TRPS1: variants seen among roughly 807,000 people sequenced by gnomAD.
The protein encoded by TRPS1 is zinc finger transcription factor Trps1.
In TRPS1, 6 loss-of-function variants were observed where a neutral mutation model predicts 101.2. That is an observed-to-expected ratio of 0.06 (90% CI 0.03 to 0.12). The LOEUF is 0.12. Among genes scored for constraint, TRPS1 ranks in the 10% least tolerant of loss-of-function variants. The pLI is 1.00. For synonymous variants in TRPS1, 578 were observed against 589.8 expected, an observed-to-expected ratio of 0.98 and a Z score of 0.29; for missense variants, 1,363 against 1,567.0, an observed-to-expected ratio of 0.87 and a Z score of 2.20.
intron 5 of TRPS1, among the ~76,000 whole-genome samples, chr8:115,578,560 G>C (rs1333341901): frequency 1.3e-5 from 2 of 152,006 alleles, no homozygotes; most frequent in East Asian, 3.9e-4. Context: ...GGTATAATGA[G>C]GCACAAAAAT....
intron 5 of TRPS1, among the ~76,000 whole-genome samples, chr8:115,420,747 A>G (rs1455734432): frequency 6.6e-6 from 1 of 152,226 alleles, no homozygotes; most frequent in Non-Finnish European, 1.5e-5. Context: ...AGGAGCACTT[A>G]GACTCCAATA....
intron 5 of TRPS1, among the ~76,000 whole-genome samples, chr8:115,486,441 T>C (rs181136212): frequency 2.0e-5 from 3 of 152,326 alleles, no homozygotes; most frequent in African/African-American, 7.2e-5. Context: ...AAGGAAGAGC[T>C]GTCTCACTTT....
chr8:115,640,635 C>T (rs1176731535), intron 1 of TRPS1, among the ~76,000 whole-genome samples: 1 of 152,190 alleles, frequency 6.6e-6, no homozygotes, highest in African/African-American at 2.4e-5. Context: ...TGGTAACTAA[C>T]ACACCTACAG....
intron 5 of TRPS1, among the ~76,000 whole-genome samples, chr8:115,445,922 T>C (rs758117844): frequency 2.0e-5 from 3 of 152,212 alleles, no homozygotes; most frequent in Non-Finnish European, 2.9e-5. Flanking sequence ...TATAGAAGTA[T>C]ACTTAAATAT....
chr8:115,544,111 T>C (rs1022459789), intron 5 of TRPS1, among the ~76,000 whole-genome samples: 9 of 150,202 alleles, frequency 6.0e-5, no homozygotes, highest in African/African-American at 2.2e-4. Flanking sequence ...ACCTGTGAAG[T>C]GGCATTTTTG....
rs1413205173 is a variant in TRPS1, at chr8:115,612,022, G to T, written c.967-7020C>A. On this transcript the variant is annotated intron_variant, in intron 3 of 6. Coordinates refer to ENST00000395715, the MANE Select transcript of TRPS1 (RefSeq NM_014112.5). The stretch of plus-strand genomic sequence containing the variant: ...ATGTAGGACAACTGATCAATAAACA[G>T]AATTTTTAAAAATTAAAGGAAAGAA... Among the ~76,000 whole-genome samples the T allele has an allele frequency of 2.0e-5, 3 of 148,304 alleles. No individual in the cohort carries two copies. The East Asian group carries it at 6.1e-4, about 30-fold the overall frequency.
chr8:115,534,058 A>T (rs1329164734), intron 5 of TRPS1, among the ~76,000 whole-genome samples: 1 of 151,912 alleles, frequency 6.6e-6, no homozygotes, highest in Non-Finnish European at 1.5e-5. Flanking sequence ...ACCACTGGGG[A>T]TTGAAGATCT....
chr8:115,587,076 C>A lies in TRPS1; in HGVS notation c.2625G>T (p.Lys875Asn), dbSNP rs773091182. The A allele has an allele frequency of 6.2e-7, 1 of 1,614,152 alleles. No homozygotes were observed. The change falls in exon 5 of 7, where the codon AAG becomes AAT. Residue 875 changes from lysine to asparagine, a missense_variant. Coordinates refer to ENST00000395715, the MANE Select transcript of TRPS1 (RefSeq NM_014112.5). The stretch of plus-strand genomic sequence containing the variant: ...GATACTGCTGGGGGAGGGCCCCAGA[C>A]TTCTCTCCGCCAGCTGGCGCCCCCT... ...FLQGAPAGGE[K>N]SGALPQQYPA...
At chr8:115,540,130 G>C (rs1274451269) in intron 5 of TRPS1, among the ~76,000 whole-genome samples, 1 of 152,010 alleles carries the variant, frequency 6.6e-6, no homozygotes, top group Non-Finnish European at 1.5e-5. Flanking sequence ...TTTCTCTTGA[G>C]TTATAAATTC....
At chr8:115,531,706 G>C (rs192899904) in intron 5 of TRPS1, among the ~76,000 whole-genome samples, 2 of 152,096 alleles carry the variant, frequency 1.3e-5, no homozygotes, top group Non-Finnish European at 2.9e-5. Context: ...CAAAGAGTAA[G>C]AGTTTAGAAT....
chr8:115,501,267 A>T (rs1242184599), intron 5 of TRPS1, among the ~76,000 whole-genome samples: 1 of 152,216 alleles, frequency 6.6e-6, no homozygotes, highest in African/African-American at 2.4e-5. Flanking sequence ...GAGCAGGCCC[A>T]GTGAACATGT....
chr8:115,408,817 T>C lies in TRPS1; in HGVS notation c.*5206A>G, dbSNP rs1010075659. On this transcript the variant is annotated 3_prime_UTR_variant, in exon 7 of 7. Coordinates refer to ENST00000395715, the MANE Select transcript of TRPS1 (RefSeq NM_014112.5). ...AATTTTACATTGGCATTTTGAGATG[T>C]TCCCCCCTCATGCCTCCCCCAAAGT... 1 of 152,262 alleles carries C rather than the reference T, an allele frequency of 6.6e-6. No individual in the cohort carries two copies. The highest frequency in any genetic ancestry group is 1.9e-4 in the East Asian group (1 of 5,144). 9.4% of individuals were successfully genotyped at this position (152,262 alleles called of 1,614,324 possible).
chr8:115,514,165 A>T (rs554236861), intron 5 of TRPS1, among the ~76,000 whole-genome samples: 62 of 151,774 alleles, frequency 4.1e-4, no homozygotes, highest in African/African-American at 1.4e-3. Context: ...TCTCTAAGAT[A>T]CTCTCTTGTT....
Position 115,648,030 on chromosome 8 carries a change from G to A in TRPS1, c.-122+20515C>T, listed in dbSNP as rs527291132. On this transcript the variant is annotated intron_variant, in intron 1 of 6. Transcript: ENST00000395715. ...ATGATCACAGGTGAATAAGATTTAA[G>A]GATGAGTAGCTGCTGATGAACCCAA... Among the ~76,000 whole-genome samples, 9 of 152,176 alleles carry A rather than the reference G, an allele frequency of 5.9e-5. No individual in the cohort carries two copies. The South Asian group carries it at 1.9e-3, about 32-fold the overall frequency.
At chr8:115,495,188 C>A (rs956716975) in intron 5 of TRPS1, among the ~76,000 whole-genome samples, 1 of 152,076 alleles carries the variant, frequency 6.6e-6, no homozygotes, top group African/African-American at 2.4e-5. Context: ...AGCGGTAGAA[C>A]AAAATCTTTA....
intron 5 of TRPS1, among the ~76,000 whole-genome samples, chr8:115,544,960 A>G (rs1816537276): frequency 6.6e-6 from 1 of 152,196 alleles, no homozygotes. Context: ...AATAAATACA[A>G]TCATTTAAAA....
chr8:115,453,718 A>G lies in TRPS1; in HGVS notation c.2701-35266T>C, dbSNP rs911770067. Among the ~76,000 whole-genome samples the G allele has an allele frequency of 3.9e-5, 6 of 152,238 alleles. No individual in the cohort carries two copies. The South Asian group carries it at 1.2e-3, about 31-fold the overall frequency. ...CTTCAAAGAGTCATGCATCTACTGC[A>G]GCACCAGTTATAAGACTATCCACTT... is the stretch of plus-strand genomic sequence containing the variant. On this transcript the variant is annotated intron_variant, in intron 5 of 6. Coordinates refer to ENST00000395715, the MANE Select transcript of TRPS1 (RefSeq NM_014112.5).
At chr8:115,539,334 T>C (rs1214053740) in intron 5 of TRPS1, among the ~76,000 whole-genome samples, 1 of 152,252 alleles carries the variant, frequency 6.6e-6, no homozygotes, top group East Asian at 1.9e-4. Context: ...AAAAAATTTC[T>C]GGGCTCTAAC....
intron 4 of TRPS1, among the ~76,000 whole-genome samples, chr8:115,601,172 C>T (rs1817899223): frequency 6.6e-6 from 1 of 152,122 alleles, no homozygotes; most frequent in Non-Finnish European, 1.5e-5. Flanking sequence ...TTTACTACAC[C>T]ATTAAGTCTT....
Sources: allele counts gnomAD v4.1 joint callset (sites outside exome capture counted in the v4.1 genomes callset), GRCh38; gene constraint gnomAD v4.1.1; transcripts MANE v1.5; gene names NCBI Gene and HGNC (gene_info 2026-07-23, HGNC 2026-07-21).